The following EYA4 variants were observed in gnomAD, a reference collection of about 807,000 sequenced individuals.
The protein encoded by EYA4 is protein phosphatase EYA4.
Under a neutral mutation model 87.9 loss-of-function variants are expected in EYA4, and 31 were observed. The observed-to-expected ratio is 0.35, with a 90% confidence interval of 0.27 to 0.48. EYA4 has a LOEUF of 0.48. Among genes scored for constraint, EYA4 ranks in the 20% least tolerant of loss-of-function variants. EYA4 has a pLI of 0.99. For synonymous variants in EYA4, 263 were observed against 270.6 expected (o/e 0.97, Z 0.28); for missense variants, 678 against 761.4 (o/e 0.89, Z 1.29).
intron 3 of EYA4, among the ~76,000 whole-genome samples, chr6:133,390,610 C>T (rs150156217): frequency 7.5e-4 from 115 of 152,326 alleles, no homozygotes; most frequent in Middle Eastern, 3.4e-3. Context: ...CAGTGCATGG[C>T]TCTAACATTA....
At chr6:133,429,632 CAG>C (rs981805347) in intron 3 of EYA4, among the ~76,000 whole-genome samples, 22 of 152,086 alleles carry the variant, frequency 1.4e-4, no homozygotes, top group African/African-American at 4.3e-4. Context: ...TAATGAGAAT[CAG>C]GGGTTTCTTT....
chr6:133,531,470 G>A lies in EYA4; in HGVS notation c.*2665G>A. 2.1e-6 allele frequency: 1 copy of A among 472,790 alleles called. No homozygotes were observed. Among genetic ancestry groups the A allele is most frequent in the Non-Finnish European group, 3.7e-6 (1 of 267,216 alleles). The allele number at this position is 472,790 out of a possible 1,614,324, so 29.3% of individuals were successfully genotyped here. A position where few individuals can be genotyped will look rare whatever the true frequency, so the allele number is the denominator to read the frequency against. The stretch of plus-strand genomic sequence containing the variant: ...GACATATGGAATATTGTGCCTTATT[G>A]TAAACCAGTTTGAAAAATGTTCTGT... On this transcript the variant is annotated 3_prime_UTR_variant, in exon 20 of 20. Coordinates refer to ENST00000355286, the MANE Select transcript of EYA4 (RefSeq NM_004100.5).
At chr6:133,335,244 T>C (rs1369164999) in intron 2 of EYA4, among the ~76,000 whole-genome samples, 1 of 152,212 alleles carries the variant, frequency 6.6e-6, no homozygotes, top group Non-Finnish European at 1.5e-5. Flanking sequence ...AGGGCTTTGC[T>C]TCTCCTTTTT....
intron 3 of EYA4, among the ~76,000 whole-genome samples, chr6:133,388,336 G>T (rs1247216169): frequency 6.6e-6 from 1 of 151,698 alleles, no homozygotes; most frequent in African/African-American, 2.4e-5. Flanking sequence ...GAACCTGGGG[G>T]GCGGAGGTTG....
chr6:133,255,892 C>T (rs1387168015), intron 1 of EYA4, among the ~76,000 whole-genome samples: 1 of 152,050 alleles, frequency 6.6e-6, no homozygotes, highest in South Asian at 2.1e-4. Flanking sequence ...TCTCTTCGTA[C>T]ATCTGCCAAA....
At chr6:133,436,138 G>C (rs957159444) in intron 3 of EYA4, among the ~76,000 whole-genome samples, 73 of 152,060 alleles carry the variant, frequency 4.8e-4, no homozygotes, top group African/African-American at 1.7e-3. Flanking sequence ...AGAATTGCTT[G>C]AACTCGGAAG....
intron 2 of EYA4, among the ~76,000 whole-genome samples, chr6:133,294,025 A>T (rs1343110289): frequency 3.6e-4 from 4 of 11,042 alleles, no homozygotes; most frequent in African/African-American, 1.1e-3. Context: ...GGGTGATTTT[A>T]TATATATATA....
At chr6:133,419,799 A>G in intron 3 of EYA4, among the ~76,000 whole-genome samples, 1 of 152,212 alleles carries the variant, frequency 6.6e-6, no homozygotes, top group Non-Finnish European at 1.5e-5. Context: ...TCATTAAGGC[A>G]GAACACCCCC....
intron 2 of EYA4, among the ~76,000 whole-genome samples, chr6:133,278,301 A>C (rs989936735): frequency 6.6e-6 from 1 of 152,038 alleles, no homozygotes; most frequent in Non-Finnish European, 1.5e-5. Flanking sequence ...CTTCTCACCC[A>C]ATCAGCCCTA....
At chr6:133,508,892 A>G (rs1403876975) in intron 14 of EYA4, among the ~76,000 whole-genome samples, 1 of 152,190 alleles carries the variant, frequency 6.6e-6, no homozygotes, top group African/African-American at 2.4e-5. Context: ...TTCTCTGAGT[A>G]TATAGCTTTT....
At position 133,521,099 on chromosome 6, in the gene EYA4, A is replaced by C. The variant is rs373263450; in HGVS notation, c.1617-1957A>C. Among the ~76,000 whole-genome samples the C allele has an allele frequency of 8.2e-3, 1,226 of 149,030 alleles. 17 individuals are homozygous for C. The highest frequency in any genetic ancestry group is 0.024 in the African/African-American group (976 of 40,950). ...ACACCAAAAGCAATGGCAACAAAAG[A>C]CAAAATTGACAAATGGGATCTAATT... On this transcript the variant is annotated intron_variant, in intron 17 of 19. Coordinates refer to ENST00000355286, the MANE Select transcript of EYA4 (RefSeq NM_004100.5).
In EYA4 at chr6:133,316,268, G is replaced by GA. The variant is rs199964635; in HGVS notation, c.33+41464dup. Among the ~76,000 whole-genome samples the GA allele has an allele frequency of 4.0e-5, 6 of 150,882 alleles. No homozygotes were observed. In the East Asian group the frequency reaches 5.8e-4, roughly 15 times the overall value. On this transcript the variant is annotated intron_variant, in intron 2 of 19. Coordinates refer to ENST00000355286, the MANE Select transcript of EYA4 (RefSeq NM_004100.5). ...ATTATAAAGTGTGCTGATGATCATA[G>GA]AAAAAAAAATAAGCTGCATTTATTT...
At chr6:133,430,062 C>CT (rs1263696595) in intron 3 of EYA4, among the ~76,000 whole-genome samples, 1 of 152,160 alleles carries the variant, frequency 6.6e-6, no homozygotes, top group African/African-American at 2.4e-5. Context: ...TTGTTCCCAT[C>CT]TTTATGTCCA....
chr6:133,406,685 T>G (rs1430807498), intron 3 of EYA4, among the ~76,000 whole-genome samples: 2 of 152,216 alleles, frequency 1.3e-5, no homozygotes, highest in Non-Finnish European at 2.9e-5. Context: ...GCTATATACA[T>G]TTTTCAGATT....
chr6:133,308,202 G>A (rs747773690), intron 2 of EYA4, among the ~76,000 whole-genome samples: 2 of 152,074 alleles, frequency 1.3e-5, no homozygotes, highest in Non-Finnish European at 2.9e-5. Flanking sequence ...CCATGAAAAT[G>A]GACTAATACA....
At chr6:133,462,188 G>A (rs1794454567) in intron 7 of EYA4, 147 bp from the exon 8 acceptor site, 1 of 966,454 alleles carries the variant, frequency 1.0e-6, no homozygotes, top group African/African-American at 1.6e-5. Context: ...CTGACATTCA[G>A]ACTGTTGCTT....
At chr6:133,418,405 C>G (rs1789929999) in intron 3 of EYA4, among the ~76,000 whole-genome samples, 1 of 152,174 alleles carries the variant, frequency 6.6e-6, no homozygotes, top group South Asian at 2.1e-4. Flanking sequence ...CCCACAGTGC[C>G]TTACACAGCA....
chr6:133,250,779 C>T (rs892588164), intron 1 of EYA4, among the ~76,000 whole-genome samples: 11 of 152,116 alleles, frequency 7.2e-5, no homozygotes, highest in Non-Finnish European at 1.5e-4. Flanking sequence ...TCATGTGTAA[C>T]AGAACATGCC....
intron 13 of EYA4, among the ~76,000 whole-genome samples, chr6:133,495,755 A>G (rs1797601006): frequency 6.6e-6 from 1 of 152,128 alleles, no homozygotes; most frequent in Non-Finnish European, 1.5e-5. Flanking sequence ...CCTGTTGAGC[A>G]CAGATTGCTG....
Sources: allele counts gnomAD v4.1 joint callset (sites outside exome capture counted in the v4.1 genomes callset), GRCh38; gene constraint gnomAD v4.1.1; transcripts MANE v1.5; gene names NCBI Gene and HGNC (gene_info 2026-07-23, HGNC 2026-07-21).